LSM14A: variants seen among roughly 807,000 people sequenced by gnomAD.
LSM14A encodes LSM14A mRNA processing body assembly factor.
In LSM14A, 14 loss-of-function variants were observed where a neutral mutation model predicts 52.4. The ratio of observed to expected loss-of-function variants is 0.27; its 90% confidence interval spans 0.18 to 0.42. LSM14A has a LOEUF of 0.42. LSM14A is among the 10% of genes least tolerant of loss of function. The pLI is 1.00. For missense variants in LSM14A, 417 were observed against 581.8 expected (o/e 0.72, Z 2.91); for synonymous variants, 185 against 200.3 (o/e 0.92, Z 0.64).
At chr19:34,213,647 A>G (rs1215483079) in intron 4 of LSM14A, among the ~76,000 whole-genome samples, 1 of 152,224 alleles carries the variant, frequency 6.6e-6, no homozygotes, top group Non-Finnish European at 1.5e-5. Context: ...AGAGATGTAC[A>G]GCAAACATTA....
chr19:34,187,466 T>C (rs935200135), intron 1 of LSM14A, among the ~76,000 whole-genome samples: 1 of 151,974 alleles, frequency 6.6e-6, no homozygotes, highest in African/African-American at 2.4e-5. Context: ...TGTTTTTTCT[T>C]AAATTAGAGA....
At position 34,226,367 on chromosome 19, in the gene LSM14A, C is replaced by G. The variant is rs2073339184; in HGVS notation, c.1369-998C>G. On this transcript the variant is annotated intron_variant, in intron 9 of 9. Transcript: ENST00000544216. ...TCCTTTCTCCCTCTCCTGTCCCCATCTCTTTCTCTTTTTTTTTTTTTTTTT... is the reference window on the plus strand; with the variant it reads ...TCCTTTCTCCCTCTCCTGTCCCCATGTCTTTCTCTTTTTTTTTTTTTTTTT... 16 of 1,359,506 alleles carry G rather than the reference C, an allele frequency of 1.2e-5. No individual in the cohort carries two copies. The East Asian group carries it at 3.8e-4, about 32-fold the overall frequency. 84.2% of individuals were successfully genotyped at this position (1,359,506 alleles called of 1,614,324 possible). A position where few individuals can be genotyped will look rare whatever the true frequency, so the allele number is the denominator to read the frequency against.
intron 1 of LSM14A, among the ~76,000 whole-genome samples, chr19:34,188,884 A>G (rs1311880332): frequency 1.3e-5 from 2 of 151,600 alleles, no homozygotes; most frequent in Admixed American, 1.3e-4. Flanking sequence ...TCTTTTGTTG[A>G]TGGGCATTTG....
intron 6 of LSM14A, among the ~76,000 whole-genome samples, chr19:34,218,171 T>C (rs1682701744): frequency 6.6e-6 from 1 of 151,748 alleles, no homozygotes. Flanking sequence ...GCCTGGCTAA[T>C]GTTTCTGTAT....
intron 4 of LSM14A, among the ~76,000 whole-genome samples, chr19:34,210,699 C>T (rs192289592): frequency 8.7e-4 from 132 of 152,132 alleles, no homozygotes; most frequent in African/African-American, 3.0e-3. Flanking sequence ...CTCCTGAGCT[C>T]AGGCCATCCT....
intron 1 of LSM14A, among the ~76,000 whole-genome samples, chr19:34,188,401 C>T (rs2070092329): frequency 6.6e-6 from 1 of 152,194 alleles, no homozygotes; most frequent in Non-Finnish European, 1.5e-5. Context: ...TTTTGTCATT[C>T]TCTGTATTCT....
At chr19:34,213,557 G>T (rs1015389402) in intron 4 of LSM14A, among the ~76,000 whole-genome samples, 1 of 152,128 alleles carries the variant, frequency 6.6e-6, no homozygotes, top group African/African-American at 2.4e-5. Flanking sequence ...ATATTTGGGG[G>T]ATTTTTTTAC....
intron 1 of LSM14A, among the ~76,000 whole-genome samples, chr19:34,176,145 C>T (rs1044158056): frequency 2.0e-5 from 3 of 152,156 alleles, no homozygotes; most frequent in Non-Finnish European, 2.9e-5. Flanking sequence ...GCACTGCACC[C>T]GGCCTGAAGC....
intron 6 of LSM14A, among the ~76,000 whole-genome samples, chr19:34,217,886 T>G (rs921278533): frequency 5.3e-5 from 8 of 151,920 alleles, no homozygotes; most frequent in Non-Finnish European, 1.2e-4. Flanking sequence ...CTATCTTTCA[T>G]TGCCCTTCAA....
chr19:34,215,611 T>C lies in LSM14A; in HGVS notation c.731T>C (p.Val244Ala). The C allele has an allele frequency of 6.2e-7, 1 of 1,613,768 alleles. No individual in the cohort carries two copies. Among genetic ancestry groups the C allele is most frequent in the Non-Finnish European group, 8.5e-7 (1 of 1,179,730 alleles). Residue 244 changes from valine (V) to alanine (A), a missense_variant, in exon 6 of 10, where the codon GTT becomes GCT. Coordinates refer to ENST00000544216, the MANE Select transcript of LSM14A (RefSeq NM_015578.4). ...TCTTCTGTAGCTGAAGTACACAAAGTTTCAAGGCCAGAAAATGAGCAACTC... is the reference window on the plus strand; with the variant it reads ...TCTTCTGTAGCTGAAGTACACAAAGCTTCAAGGCCAGAAAATGAGCAACTC... ...QEHRRAEVHK[V>A]SRPENEQLRN...
chr19:34,208,837 T>TA (rs1444410382), intron 3 of LSM14A, 92 bp from the exon 4 acceptor site: 1 of 810,078 alleles, frequency 1.2e-6, no homozygotes, highest in Non-Finnish European at 1.9e-6. Flanking sequence ...GGTAGACAAT[T>TA]ACCATCATTA....
intron 8 of LSM14A, among the ~76,000 whole-genome samples, chr19:34,220,121 C>T (rs995450246): frequency 1.3e-5 from 2 of 152,026 alleles, no homozygotes; most frequent in Admixed American, 6.6e-5. Context: ...TGTACACCAC[C>T]CCACCCGGCT....
chr19:34,184,206 C>T (rs1163327165), intron 1 of LSM14A, among the ~76,000 whole-genome samples: 2 of 151,948 alleles, frequency 1.3e-5, no homozygotes, highest in Non-Finnish European at 2.9e-5. Context: ...CAGGCATGCA[C>T]CACCATGCCA....
At chr19:34,221,252 T>G (rs1422127546) in intron 8 of LSM14A, 2 of 446,974 alleles carry the variant, frequency 4.5e-6, no homozygotes, top group African/African-American at 2.0e-5. Context: ...CCAGCTATTT[T>G]TTGTATTTTT....
chr19:34,194,718 G>A, intron 2 of LSM14A, 77 bp downstream of exon 2: 4 of 1,279,674 alleles, frequency 3.1e-6, no homozygotes, highest in Non-Finnish European at 4.6e-6. Context: ...CTCTCTAGTT[G>A]AATGTTCATG....
intron 9 of LSM14A, among the ~76,000 whole-genome samples, chr19:34,225,316 A>G (rs2073284486): frequency 6.6e-6 from 1 of 152,152 alleles, no homozygotes; most frequent in Non-Finnish European, 1.5e-5. Flanking sequence ...CAGCAGCCCT[A>G]CACCTCCTAA....
At chr19:34,215,704 A>G in intron 6 of LSM14A, 43 bp downstream of exon 6, 1 of 1,318,382 alleles carries the variant, frequency 7.6e-7, no homozygotes, top group Non-Finnish European at 1.1e-6. Context: ...GCTTCTCAAC[A>G]GGGAGAATAT....
intron 1 of LSM14A, among the ~76,000 whole-genome samples, chr19:34,173,262 C>G (rs556886751): frequency 6.6e-6 from 1 of 152,322 alleles, no homozygotes; most frequent in African/African-American, 2.4e-5. Flanking sequence ...TGCTCTGCGA[C>G]GCAGACATTC....
At chr19:34,217,651 A>C (rs1245593448) in intron 6 of LSM14A, among the ~76,000 whole-genome samples, 1 of 78,660 alleles carries the variant, frequency 1.3e-5, no homozygotes, top group Non-Finnish European at 2.3e-5. Flanking sequence ...TTTTTGAGAC[A>C]GAGTCAACCT....
Sources: gnomAD v4.1 joint callset for allele counts (sites outside exome capture counted in the v4.1 genomes callset) on GRCh38, gnomAD v4.1.1 for gene constraint, MANE v1.5 for transcripts, NCBI Gene and HGNC (gene_info 2026-07-23, HGNC 2026-07-21) for gene names.